Variants in ATRX observed in about 807,000 individuals in gnomAD.
The protein encoded by ATRX is chromatin remodeler ATRX.
A neutral mutation model predicts 172.6 loss-of-function variants in ATRX; 12 were observed. The ratio of observed to expected loss-of-function variants is 0.07; its 90% CI spans 0.04 to 0.11. ATRX has a LOEUF of 0.11. ATRX is among the 10% of genes least tolerant of loss of function. ATRX has a pLI of 1.00. For missense variants in ATRX, 1,368 were observed against 1,767.4 expected, an observed-to-expected ratio of 0.77 and a Z score of 4.05; for synonymous variants, 674 against 594.7, an observed-to-expected ratio of 1.13 and a Z score of -1.94.
At chrX:77,774,756 C>T (rs2076289219) in intron 1 of ATRX, among the ~76,000 whole-genome samples, 2 of 111,736 alleles carry the variant, frequency 1.8e-5, no homozygotes, top group Admixed American at 1.9e-4. Context: ...GTCATTCACA[C>T]TAGACTGCAG....
At position 77,694,256 on chromosome X, in the gene ATRX, T is replaced by A. The variant is rs781969231; in HGVS notation, c.371-319A>T. ...TTTATAGTGCCTATCACAAAAGCTG[T>A]TATGAATATGAACATCTATGCTAAG... On this transcript the variant is annotated intron_variant, in intron 5 of 34. Coordinates refer to ENST00000373344, the MANE Select transcript of ATRX (RefSeq NM_000489.6). Among the ~76,000 whole-genome samples, 8 of 112,204 alleles carry A rather than the reference T, an allele frequency of 7.1e-5. No individual in the cohort carries two copies. In the South Asian group the frequency reaches 2.9e-3, roughly 41 times the overall value.
At chrX:77,777,542 T>C (rs782371851) in intron 1 of ATRX, among the ~76,000 whole-genome samples, 1 of 112,047 alleles carries the variant, frequency 8.9e-6, no homozygotes, top group Admixed American at 9.6e-5. Context: ...CTTCAAATTG[T>C]TCCCTGAAAT....
At chrX:77,754,948 T>TC (rs1438836461) in intron 1 of ATRX, among the ~76,000 whole-genome samples, 8 of 111,948 alleles carry the variant, frequency 7.1e-5, no homozygotes, top group Non-Finnish European at 1.5e-4. Context: ...GGGTCCATTC[T>TC]CCCCATCACT....
At chrX:77,696,804 A>C in intron 4 of ATRX, 100 bp from the exon 5 acceptor site, 1 of 864,867 alleles carries the variant, frequency 1.2e-6, no homozygotes, top group African/African-American at 2.0e-5. Context: ...AGTGGGTCTC[A>C]ACAAGGAAGC....
chrX:77,739,419 GTTTC>G (rs782044650), intron 1 of ATRX, among the ~76,000 whole-genome samples: 2 of 107,189 alleles, frequency 1.9e-5, no homozygotes, highest in East Asian at 2.9e-4. Flanking sequence ...ATATATATCA[GTTTC>G]TTTATCCACT....
Position 77,656,575 on chromosome X carries a change from T to C in ATRX, c.4199A>G (p.Gln1400Arg). ...ATTATAATACCTTGTTCTGGGCCGC[T>C]GTTCATCTTCGGATTCACTAACTTC... ...SEEVSESEDE[Q>R]RPRTRSAKKA... The change falls in exon 13 of 35, where the codon CAG becomes CGG. Residue 1400 changes from glutamine (Q) to arginine (R), a missense_variant. Physicochemically the swap from Gln to Arg is conservative, Grantham distance 43. Coordinates refer to ENST00000373344, the MANE Select transcript of ATRX (RefSeq NM_000489.6). 1.7e-6 allele frequency: 2 copies of C among 1,208,717 alleles called. No individual in the cohort carries two copies. Among genetic ancestry groups the C allele is most frequent in the East Asian group, 3.0e-5 (1 of 33,753 alleles).
At chrX:77,627,115 C>T (rs1165890003) in intron 19 of ATRX, among the ~76,000 whole-genome samples, 1 of 111,529 alleles carries the variant, frequency 9.0e-6, no homozygotes, top group Middle Eastern at 4.2e-3. Context: ...CGCCTGTAGT[C>T]CCAGCTACTC....
intron 27 of ATRX, among the ~76,000 whole-genome samples, chrX:77,587,612 G>A (rs1159243727): frequency 2.7e-5 from 3 of 111,562 alleles, no homozygotes; most frequent in Non-Finnish European, 5.6e-5. Context: ...CTTAACCAGG[G>A]CAACTGGATA....
At chrX:77,672,399 A>G (rs928292071) in intron 10 of ATRX, among the ~76,000 whole-genome samples, 2 of 111,254 alleles carry the variant, frequency 1.8e-5, no homozygotes, top group Admixed American at 9.6e-5. Flanking sequence ...GAAATCAGGT[A>G]AACAATCATT....
At chrX:77,598,285 A>C (rs1252727923) in intron 25 of ATRX, among the ~76,000 whole-genome samples, 3 of 110,479 alleles carry the variant, frequency 2.7e-5, no homozygotes, top group African/African-American at 9.9e-5. Context: ...GGACTACTAG[A>C]GTGGGGAGAG....
At position 77,684,412 on chromosome X, in the gene ATRX, T is replaced by C. The variant is rs2148636574; in HGVS notation, c.844A>G (p.Ser282Gly). 1 of 1,211,730 alleles carries C rather than the reference T, an allele frequency of 8.3e-7. No homozygotes were observed. The highest frequency in any genetic ancestry group is 1.1e-6 in the Non-Finnish European group (1 of 895,164). ...AACTGTTCTAAATTCTCAAATACGC[T>C]GTTACATGCAGTGACCAAGTCCAAC... ...PLLDLVTACN[S>G]VFENLEQLLQ... The change falls in exon 9 of 35, where the codon AGC becomes GGC. Residue 282 changes from serine (S) to glycine (G), a missense_variant. Ser to Gly is a moderately conservative substitution (Grantham distance 56). Transcript: ENST00000373344.
chrX:77,561,771 T>C (rs781813581), intron 28 of ATRX: 17 of 111,451 alleles, frequency 1.5e-4, no homozygotes, highest in Non-Finnish European at 2.8e-4. Flanking sequence ...CGAGCTCCCA[T>C]ATATCCTTCA....
intron 30 of ATRX, among the ~76,000 whole-genome samples, chrX:77,539,008 C>T (rs1444664732): frequency 9.2e-6 from 1 of 108,823 alleles, no homozygotes; most frequent in Admixed American, 9.9e-5. Context: ...AATTCTACTG[C>T]CTCAGCCTCC....
At chrX:77,746,775 A>C (rs942597671) in intron 1 of ATRX, among the ~76,000 whole-genome samples, 1 of 111,601 alleles carries the variant, frequency 9.0e-6, no homozygotes, top group Non-Finnish European at 1.9e-5. Flanking sequence ...TAAGAGACAC[A>C]ATTTTCTAAT....
intron 28 of ATRX, among the ~76,000 whole-genome samples, chrX:77,562,674 A>C (rs782141316): frequency 9.0e-6 from 1 of 111,273 alleles, no homozygotes; most frequent in African/African-American, 3.3e-5. Flanking sequence ...CCTCCTAAGT[A>C]GTTATGACTA....
intron 2 of ATRX, among the ~76,000 whole-genome samples, chrX:77,706,819 T>C (rs1378921947): frequency 1.8e-5 from 2 of 111,202 alleles, no homozygotes; most frequent in East Asian, 5.6e-4. Flanking sequence ...GATGGAAGGA[T>C]TGCTTGTACC....
intron 27 of ATRX, among the ~76,000 whole-genome samples, chrX:77,585,729 C>T (rs2065995659): frequency 9.5e-6 from 1 of 105,703 alleles, no homozygotes; most frequent in Admixed American, 1.0e-4. Context: ...ATAGCCAAGA[C>T]TTGGAGACAA....
intron 34 of ATRX, among the ~76,000 whole-genome samples, chrX:77,519,363 G>A (rs1262167216): frequency 9.0e-6 from 1 of 111,322 alleles, no homozygotes; most frequent in East Asian, 2.8e-4. Context: ...GATATTTCTC[G>A]AAAGAAGACA....
intron 19 of ATRX, among the ~76,000 whole-genome samples, chrX:77,622,079 C>T (rs1343198503): frequency 1.2e-4 from 13 of 111,381 alleles, no homozygotes; most frequent in African/African-American, 3.3e-4. Context: ...AAATTAGTAT[C>T]AAAAATTTTG....
Sources: gnomAD v4.1 joint callset for allele counts (sites outside exome capture counted in the v4.1 genomes callset) on GRCh38, gnomAD v4.1.1 for gene constraint, MANE v1.5 for transcripts, NCBI Gene and HGNC (gene_info 2026-07-23, HGNC 2026-07-21) for gene names.